PBX1: variants seen among roughly 807,000 people sequenced by gnomAD.
The protein encoded by PBX1 is pre-B-cell leukemia transcription factor 1.
In PBX1, 6 loss-of-function variants were observed where a neutral mutation model predicts 53.4. The observed-to-expected ratio is 0.11, with a 90% CI of 0.06 to 0.22. The LOEUF is 0.22. Ranked by LOEUF, PBX1 falls within the 10% of genes least tolerant of loss-of-function variation. PBX1 has a pLI of 1.00. For synonymous variants in PBX1, 204 were observed against 212.3 expected, an observed-to-expected ratio of 0.96 and a Z score of 0.34; for missense variants, 251 against 551.4, an observed-to-expected ratio of 0.46 and a Z score of 5.46.
intron 2 of PBX1, among the ~76,000 whole-genome samples, chr1:164,686,428 CAG>C (rs60629086): frequency 0.3 from 45,130 of 151,828 alleles, 6,777 homozygotes; most frequent in East Asian, 0.41. Context: ...GGGAATCAAA[CAG>C]AGTGAAAACA....
chr1:164,587,714 T>G (rs1409152782), intron 2 of PBX1, among the ~76,000 whole-genome samples: 2 of 152,224 alleles, frequency 1.3e-5, no homozygotes, highest in Non-Finnish European at 2.9e-5. Flanking sequence ...GCTTCTCTTC[T>G]TCACATCGTT....
intron 2 of PBX1, among the ~76,000 whole-genome samples, chr1:164,573,232 C>CT (rs1171882336): frequency 6.6e-6 from 1 of 151,776 alleles, no homozygotes; most frequent in East Asian, 1.9e-4. Context: ...ATTTTGCATT[C>CT]TTTTTTTGTG....
Position 164,879,541 on chromosome 1 carries a change from G to A in PBX1, n.258-19647G>A, listed in dbSNP as rs151201911. Among the ~76,000 whole-genome samples, 186 of 152,280 alleles carry A rather than the reference G, an allele frequency of 1.2e-3. 3 individuals carry two copies. In the Middle Eastern group the frequency reaches 0.014, roughly 11 times the overall value. On this transcript the variant is annotated intron_variant and non_coding_transcript_variant, in intron 2 of 2. Transcript: ENST00000558796. The stretch of plus-strand genomic sequence containing the variant: ...AGATCTAAGTGGAAACCTCCAACAG[G>A]CAGTTGTGTTTGAAGATAACTGAGC...
At chr1:164,562,343 A>T (rs1653113861) in intron 1 of PBX1, among the ~76,000 whole-genome samples, 1 of 152,148 alleles carries the variant, frequency 6.6e-6, no homozygotes, top group Non-Finnish European at 1.5e-5. Flanking sequence ...CACTTAACTA[A>T]TAGCTGATAT....
chr1:164,569,872 A>G (rs894418565), intron 2 of PBX1, among the ~76,000 whole-genome samples: 1 of 152,042 alleles, frequency 6.6e-6, no homozygotes. Flanking sequence ...TTCCCTTGCT[A>G]TTCTCTTAAA....
rs576973816 is a variant in PBX1 at position 164,560,652 on chromosome 1, T to C, written c.191+639T>C. The stretch of plus-strand genomic sequence containing the variant: ...ATATTTTGCATTCACTTAATTTTGT[T>C]TTTTTAAAAAGTTGATGAAAAGGTG... On this transcript the variant is annotated intron_variant, in intron 1 of 8. Coordinates refer to ENST00000420696, the MANE Select transcript of PBX1 (RefSeq NM_002585.4). Among the ~76,000 whole-genome samples the C allele has an allele frequency of 1.2e-4, 19 of 152,334 alleles. No homozygotes were observed. In the East Asian group the frequency reaches 3.7e-3, roughly 29 times the overall value.
intron 8 of PBX1, among the ~76,000 whole-genome samples, chr1:164,845,578 A>T (rs950561514): frequency 2.0e-5 from 3 of 152,240 alleles, no homozygotes; most frequent in Non-Finnish European, 4.4e-5. Flanking sequence ...ATAAGCAATC[A>T]TGAATTATGC....
chr1:164,811,895 A>G, intron 5 of PBX1, 95 bp from the exon 6 acceptor site: 2 of 924,874 alleles, frequency 2.2e-6, no homozygotes, highest in Non-Finnish European at 3.2e-6. Flanking sequence ...CAATTAGCTT[A>G]CCTCTTCACC....
downstream of PBX1, chr1:164,851,922 C>T (rs1163616798): frequency 6.4e-6 from 1 of 156,426 alleles, no homozygotes; most frequent in African/African-American, 2.4e-5. Flanking sequence ...ATGGTTTAAA[C>T]TGTTGCCCTA....
intron 2 of PBX1, among the ~76,000 whole-genome samples, chr1:164,661,370 G>A (rs918454785): frequency 2.0e-5 from 3 of 151,938 alleles, no homozygotes; most frequent in Admixed American, 2.0e-4. Flanking sequence ...TACATCCTCA[G>A]GGAAAGCCCT....
intron 2 of PBX1, among the ~76,000 whole-genome samples, chr1:164,634,382 A>C (rs1658606224): frequency 6.6e-6 from 1 of 152,240 alleles, no homozygotes; most frequent in Admixed American, 6.5e-5. Context: ...GATACAGGTA[A>C]GAGCTATGGA....
chr1:164,746,565 C>G (rs751984499), intron 2 of PBX1, among the ~76,000 whole-genome samples: 1 of 151,900 alleles, frequency 6.6e-6, no homozygotes, highest in East Asian at 1.9e-4. Context: ...TTAGTAGAGA[C>G]GGGGTTTTAC....
At chr1:164,657,691 C>T (rs1602023) in intron 2 of PBX1, among the ~76,000 whole-genome samples, 146 of 152,192 alleles carry the variant, frequency 9.6e-4, no homozygotes, top group Non-Finnish European at 1.6e-3. Context: ...TTTGGGGAAT[C>T]GGGAGTTTTC....
intron 2 of PBX1, among the ~76,000 whole-genome samples, chr1:164,618,303 G>GA (rs1043510510): frequency 1.3e-5 from 2 of 150,296 alleles, no homozygotes; most frequent in Non-Finnish European, 3.0e-5. Flanking sequence ...ACGGCGGGGG[G>GA]GGGGGGGCAC....
chr1:164,686,301 T>C (rs186300094), intron 2 of PBX1, among the ~76,000 whole-genome samples: 168 of 152,336 alleles, frequency 1.1e-3, no homozygotes, highest in Non-Finnish European at 1.8e-3. Flanking sequence ...TGTTCACCCA[T>C]TTCCCAGTTT....
chr1:164,803,860 C>T (rs538343911), intron 4 of PBX1, among the ~76,000 whole-genome samples: 5 of 152,210 alleles, frequency 3.3e-5, no homozygotes, highest in East Asian at 1.9e-4. Context: ...ACCTATATGA[C>T]GCTGGATAAG....
chr1:164,778,613 G>A (rs1176393821), intron 2 of PBX1, among the ~76,000 whole-genome samples: 1 of 148,294 alleles, frequency 6.7e-6, no homozygotes, highest in Non-Finnish European at 1.5e-5. Context: ...CTCCAGCCTG[G>A]ACAACAGAGT....
intron 2 of PBX1, among the ~76,000 whole-genome samples, chr1:164,750,145 G>GGT (rs10665357): frequency 0.22 from 31,259 of 140,660 alleles, 3,551 homozygotes; most frequent in East Asian, 0.3. Context: ...GGGGCTAGTT[G>GGT]GTGTGTGTGT....
intron 2 of PBX1, among the ~76,000 whole-genome samples, chr1:164,669,752 C>T (rs754114842): frequency 6.6e-6 from 1 of 152,198 alleles, no homozygotes; most frequent in South Asian, 2.1e-4. Flanking sequence ...TTTCCTGCTA[C>T]CCAATTGGCC....
Sources: gnomAD v4.1 joint callset for allele counts (sites outside exome capture counted in the v4.1 genomes callset) on GRCh38, gnomAD v4.1.1 for gene constraint, MANE v1.5 for transcripts, NCBI Gene and HGNC (gene_info 2026-07-23, HGNC 2026-07-21) for gene names.